ATG2B: variants seen among roughly 807,000 people sequenced by gnomAD.
The protein encoded by ATG2B is autophagy-related protein 2 homolog B.
In ATG2B, 121 loss-of-function variants were observed where a neutral mutation model predicts 241.3. That is an observed-to-expected ratio of 0.50 (90% CI 0.43 to 0.58). ATG2B has a LOEUF of 0.58. Among genes scored for constraint, ATG2B ranks in the 20% least tolerant of loss-of-function variants. The probability of loss-of-function intolerance (pLI) is 0.00; values close to 1 mark genes in which losing one functional copy is unlikely to be tolerated. For synonymous variants in ATG2B, 858 were observed against 876.6 expected, an observed-to-expected ratio of 0.98 and a Z score of 0.37; for missense variants, 2,306 against 2,491.6, an observed-to-expected ratio of 0.93 and a Z score of 1.59.
At chr14:96,309,877 T>A (rs886497472) in intron 28 of ATG2B, among the ~76,000 whole-genome samples, 1 of 152,168 alleles carries the variant, frequency 6.6e-6, no homozygotes, top group Non-Finnish European at 1.5e-5. Context: ...TTGAACAAAC[T>A]GCAATAAAGC....
chr14:96,341,423 G>A (rs1014093974), intron 6 of ATG2B, 99 bp downstream of exon 6: 3 of 927,706 alleles, frequency 3.2e-6, no homozygotes, highest in Non-Finnish European at 4.7e-6. Context: ...ACTAGTTACA[G>A]GATAATCTGC....
At position 96,328,728 on chromosome 14, in the gene ATG2B, A is replaced by C; in HGVS notation, c.1920T>G (p.His640Gln). The C allele has an allele frequency of 1.2e-6, 2 of 1,612,410 alleles. No homozygotes were observed. Among genetic ancestry groups the C allele is most frequent in the Non-Finnish European group, 1.7e-6 (2 of 1,179,342 alleles). The change falls in exon 13 of 42, where the codon CAT becomes CAG. Residue 640 changes from histidine (H) to glutamine (Q), a missense_variant. Physicochemically the swap from His to Gln is conservative, Grantham distance 24. Transcript: ENST00000359933. ...TFHSKEETGS[H>Q]SPVCLQLHYK... The stretch of plus-strand genomic sequence containing the variant: ...AATGAAGCTGAAGACACACAGGGGA[A>C]TGGGAACCAGTTTCTTCTTTGGAAT...
rs1887822543 is a variant in ATG2B at position 96,334,535 on chromosome 14, T to C, written c.925-34A>G. ...AAAAAAAAAAACTATTCATGAGGAG[T>C]ATTCTTTATAACCTTATCACCATAA... On this transcript the variant is annotated intron_variant, in intron 6 of 41. Transcript: ENST00000359933. The C allele has an allele frequency of 4.0e-6, 5 of 1,260,920 alleles. No homozygotes were observed. The African/African-American group carries it at 6.1e-5, about 15-fold the overall frequency. The allele number at this position is 1,260,920 out of a possible 1,614,324, so 78.1% of individuals were successfully genotyped here.
In ATG2B at chr14:96,329,844, G is replaced by C. The variant is rs117298177; in HGVS notation, c.1731-210C>G. ...TGTTTATTTCCCAACACTGCCCTTC[G>C]TCTTCCACATTTAAAAATTTACATT... On this transcript the variant is annotated intron_variant, in intron 11 of 41. Coordinates refer to ENST00000359933, the MANE Select transcript of ATG2B (RefSeq NM_018036.7). Among the ~76,000 whole-genome samples, 818 of 152,092 alleles carry C rather than the reference G, an allele frequency of 5.4e-3. 26 individuals are homozygous for C. In the South Asian group the frequency reaches 0.067, roughly 12 times the overall value.
intron 23 of ATG2B, among the ~76,000 whole-genome samples, chr14:96,314,449 T>C (rs529289477): frequency 5.9e-5 from 9 of 152,186 alleles, no homozygotes; most frequent in Non-Finnish European, 1.3e-4. Context: ...ATCATATTAT[T>C]GGCCTAGGGA....
At position 96,283,871 on chromosome 14, in the gene ATG2B, A is replaced by C. The variant is rs1316125354; in HGVS notation, c.*1884T>G. 3.9e-5 allele frequency: 6 copies of C among 152,258 alleles called. No individual in the cohort carries two copies. The highest frequency in any genetic ancestry group is 2.6e-4 in the Admixed American group (4 of 15,290). 9.4% of individuals were successfully genotyped at this position (152,258 alleles called of 1,614,324 possible). ...AGGTGCAGGAGGGTAGAACAAAGAA[A>C]GAACCGCGGAGATTACATTACAAAG... On this transcript the variant is annotated 3_prime_UTR_variant, in exon 42 of 42. Transcript: ENST00000359933.
At chr14:96,313,197 G>A (rs772067115) in intron 24 of ATG2B, 40 bp from the exon 25 acceptor site, 38 of 1,470,972 alleles carry the variant, frequency 2.6e-5, no homozygotes, top group South Asian at 5.8e-5. Context: ...AGTTTGATAC[G>A]GCTCCAGAAA....
At chr14:96,332,705 G>C (rs1490994095) in intron 8 of ATG2B, 50 bp from the exon 9 acceptor site, 84 of 1,429,686 alleles carry the variant, frequency 5.9e-5, no homozygotes, top group Non-Finnish European at 7.4e-5. Flanking sequence ...ACCAATTCAA[G>C]TCTTTTAAGT....
At chr14:96,318,766 G>A (rs544231632) in intron 18 of ATG2B, among the ~76,000 whole-genome samples, 4 of 151,982 alleles carry the variant, frequency 2.6e-5, no homozygotes, top group Non-Finnish European at 4.4e-5. Context: ...ATCCATCCTC[G>A]AAGTTTTCAA....
intron 18 of ATG2B, among the ~76,000 whole-genome samples, chr14:96,319,659 C>T (rs928070876): frequency 6.6e-6 from 1 of 152,012 alleles, no homozygotes; most frequent in Non-Finnish European, 1.5e-5. Context: ...TATGGTAGTA[C>T]GTATCCAGTT....
intron 34 of ATG2B, among the ~76,000 whole-genome samples, chr14:96,298,671 A>G (rs1178766273): frequency 1.3e-5 from 2 of 152,220 alleles, no homozygotes. Context: ...GCCAAGTACA[A>G]TTCCATTTAC....
intron 5 of ATG2B, among the ~76,000 whole-genome samples, chr14:96,342,369 C>G (rs1204272180): frequency 2.6e-5 from 4 of 152,012 alleles, no homozygotes; most frequent in Non-Finnish European, 5.9e-5. Context: ...GTTTCATGCA[C>G]AAAATTATTG....
Position 96,332,647 on chromosome 14 carries a change from C to T in ATG2B, c.1216G>A (p.Val406Ile). 2 of 1,561,392 alleles carry T rather than the reference C, an allele frequency of 1.3e-6. No individual in the cohort carries two copies. The highest frequency in any genetic ancestry group is 2.5e-5 in the South Asian group (2 of 80,352). Reference sequence around the variant, plus strand: ...TCCATATCAGCCATGGAGAAGAATACTTCTTCTTCTAGAGAGAATTAAACT... The same window carrying T: ...TCCATATCAGCCATGGAGAAGAATATTTCTTCTTCTAGAGAGAATTAAACT... ...ARTPSSREEE[V>I]FFSMADMDMS... The change falls in exon 9 of 42, where the codon GTA becomes ATA. Residue 406 changes from valine to isoleucine, a missense_variant. Around this residue, in one of 2 missense-constraint regions of ATG2B, gnomAD observed 1,927 missense variants for 2,011.2 expected, o/e 0.96. Coordinates refer to ENST00000359933, the MANE Select transcript of ATG2B (RefSeq NM_018036.7).
chr14:96,354,989 T>C (rs1888435830), intron 1 of ATG2B, among the ~76,000 whole-genome samples: 1 of 152,172 alleles, frequency 6.6e-6, no homozygotes, highest in Admixed American at 6.5e-5. Flanking sequence ...TTTAATGGGG[T>C]TGTTTTTTTC....
chr14:96,333,840 T>A lies in ATG2B; in HGVS notation c.1055A>T (p.Asp352Val), dbSNP rs764135154. The change falls in exon 8 of 42, where the codon GAT (aspartate) becomes GTT (valine). Residue 352 changes from aspartate to valine, a missense_variant. Physicochemically the swap from Asp to Val is radical, Grantham distance 152 (BLOSUM62 -3). Around this residue, in one of 2 missense-constraint regions of ATG2B, gnomAD observed 1,927 missense variants for 2,011.2 expected, o/e 0.96. Coordinates refer to ENST00000359933, the MANE Select transcript of ATG2B (RefSeq NM_018036.7). ...CTGCTGCATGGGTCGATTTTTCCTA[T>A]CTTTATTAGCTAACCCTATTTTGCT... The part of the protein sequence containing the change: ...NSSKIGLANK[D>V]RKNRPMQQED... 6.2e-7 allele frequency: 1 copy of A among 1,613,850 alleles called. No homozygotes were observed. The highest frequency in any genetic ancestry group is 8.5e-7 in the Non-Finnish European group (1 of 1,179,850).
chr14:96,328,418 G>A lies in ATG2B; in HGVS notation c.2092C>T (p.Pro698Ser), dbSNP rs752233077. The change falls in exon 14 of 42, where the codon CCA becomes TCA. Residue 698 changes from proline (P) to serine (S), a missense_variant. By Grantham distance (74) the Pro-to-Ser change is moderately conservative. This residue lies in a region of ATG2B where 1,927 missense variants were observed against 2,011.2 expected (regional missense o/e 0.96). Coordinates refer to ENST00000359933, the MANE Select transcript of ATG2B (RefSeq NM_018036.7). ...ATCTCTACTGTGGCAAGTTTCTGTG[G>A]TTGAAGCAAGGAATTTAACCTGTCC... The part of the protein sequence containing the change: ...IVDRLNSLLQ[P>S]QKLATVEMMA... The A allele has an allele frequency of 6.2e-7, 1 of 1,613,520 alleles. No individual in the cohort carries two copies.
chr14:96,335,210 C>A (rs1887838556), intron 6 of ATG2B, among the ~76,000 whole-genome samples: 1 of 152,166 alleles, frequency 6.6e-6, no homozygotes, highest in Non-Finnish European at 1.5e-5. Context: ...AGCAGAATAT[C>A]CCTGCCTTAC....
chr14:96,346,494 T>C (rs1403061659), intron 2 of ATG2B, among the ~76,000 whole-genome samples: 1 of 152,228 alleles, frequency 6.6e-6, no homozygotes, highest in Non-Finnish European at 1.5e-5. Flanking sequence ...TAATCGGTTT[T>C]CAAAATACAG....
chr14:96,324,921 G>A (rs565186173), intron 15 of ATG2B, among the ~76,000 whole-genome samples: 9 of 152,072 alleles, frequency 5.9e-5, no homozygotes, highest in East Asian at 5.8e-4. Context: ...GTGTGGTTGC[G>A]GAGAGAGGGT....
Sources: allele counts gnomAD v4.1 joint callset (sites outside exome capture counted in the v4.1 genomes callset), GRCh38; gene constraint gnomAD v4.1.1; regional missense constraint gnomAD v4.1.1; transcripts MANE v1.5; gene names NCBI Gene and HGNC (gene_info 2026-07-23, HGNC 2026-07-21).